The following DTNA variants were observed in gnomAD, a reference collection of about 807,000 sequenced individuals.
DTNA encodes the protein dystrophin-related protein 3.
DTNA carries 43 observed loss-of-function variants against 100.7 expected under a neutral mutation model. The ratio of observed to expected loss-of-function variants is 0.43; its 90% CI spans 0.33 to 0.55. The LOEUF (loss-of-function observed/expected upper bound fraction) is 0.55, where lower values mean the gene tolerates loss of function less well. Ranked by LOEUF, DTNA falls within the 20% of genes least tolerant of loss-of-function variation. DTNA has a pLI of 0.04. For missense variants in DTNA, 798 were observed against 953.9 expected, an observed-to-expected ratio of 0.84 and a Z score of 2.15; for synonymous variants, 349 against 347.9, an observed-to-expected ratio of 1.00 and a Z score of -0.04.
intron 3 of DTNA, among the ~76,000 whole-genome samples, chr18:34,776,691 A>G (rs962816352): frequency 2.0e-5 from 3 of 152,180 alleles, no homozygotes; most frequent in Non-Finnish European, 4.4e-5. Flanking sequence ...AGGGATATCT[A>G]AACCCAGATT....
chr18:34,861,262 G>T (rs1170433401), intron 16 of DTNA, among the ~76,000 whole-genome samples: 1 of 151,898 alleles, frequency 6.6e-6, no homozygotes, highest in African/African-American at 2.4e-5. Context: ...GAGGCGGGCG[G>T]ATCACGAGGT....
At chr18:34,846,000 ACT>A (rs1407642147) in intron 13 of DTNA, among the ~76,000 whole-genome samples, 2 of 151,920 alleles carry the variant, frequency 1.3e-5, no homozygotes, top group East Asian at 1.9e-4. Flanking sequence ...CTCTTGAACA[ACT>A]CTCTCTTTTA....
At chr18:34,617,152 A>G (rs1229390394) in intron 1 of DTNA, among the ~76,000 whole-genome samples, 1 of 152,132 alleles carries the variant, frequency 6.6e-6, no homozygotes, top group African/African-American at 2.4e-5. Flanking sequence ...GATTTCCAGT[A>G]CTATGCTGAA....
At chr18:34,523,395 A>G (rs1404689403) in intron 1 of DTNA, among the ~76,000 whole-genome samples, 1 of 152,182 alleles carries the variant, frequency 6.6e-6, no homozygotes, top group Non-Finnish European at 1.5e-5. Flanking sequence ...ATCTACTTTA[A>G]TATCACCTGT....
At chr18:34,684,794 T>A (rs2078640877) in intron 1 of DTNA, among the ~76,000 whole-genome samples, 1 of 152,190 alleles carries the variant, frequency 6.6e-6, no homozygotes, top group African/African-American at 2.4e-5. Flanking sequence ...TTTCTCCACA[T>A]CCTCTCCAGC....
chr18:34,652,120 A>G (rs2060527021), intron 1 of DTNA, among the ~76,000 whole-genome samples: 1 of 151,408 alleles, frequency 6.6e-6, no homozygotes, highest in African/African-American at 2.4e-5. Context: ...GGAAGGAGAG[A>G]AGAAAAGAAA....
At chr18:34,821,617 AT>A (rs1328605532) in intron 9 of DTNA, 1 of 410,314 alleles carries the variant, frequency 2.4e-6, no homozygotes, top group African/African-American at 2.1e-5. Flanking sequence ...AGAAGAAACA[AT>A]TTTTTCCTTG....
At chr18:34,540,050 T>C (rs1353771816) in intron 1 of DTNA, among the ~76,000 whole-genome samples, 1 of 151,950 alleles carries the variant, frequency 6.6e-6, no homozygotes, top group African/African-American at 2.4e-5. Flanking sequence ...TTTTGAATAA[T>C]TCATTTTTAT....
intron 1 of DTNA, among the ~76,000 whole-genome samples, chr18:34,746,486 G>T (rs1165440043): frequency 6.6e-6 from 1 of 151,988 alleles, no homozygotes; most frequent in Non-Finnish European, 1.5e-5. Flanking sequence ...TAATATTATT[G>T]CTAGTGAGAA....
chr18:34,634,697 TA>T (rs905401560), intron 1 of DTNA, among the ~76,000 whole-genome samples: 11 of 152,214 alleles, frequency 7.2e-5, no homozygotes, highest in Admixed American at 2.0e-4. Flanking sequence ...TTGTTTCTTT[TA>T]AAAAAAATTT....
chr18:34,777,260 TC>T lies in DTNA; in HGVS notation c.148+11220del, dbSNP rs536303379. ...CCCATACCTGGAACATTATAAGTGT[TC>T]AAAAAATACTTACTGAATTAGTAAA... On this transcript the variant is annotated intron_variant, in intron 3 of 22. Transcript: ENST00000444659. Among the ~76,000 whole-genome samples the T allele has an allele frequency of 3.3e-5, 5 of 152,306 alleles. No homozygotes were observed. The East Asian group carries it at 9.6e-4, about 29-fold the overall frequency.
chr18:34,870,250 A>T (rs117848474), intron 17 of DTNA, among the ~76,000 whole-genome samples: 2,914 of 152,222 alleles, frequency 0.019, 39 homozygotes, highest in Non-Finnish European at 0.026. Context: ...TCCTACCCTT[A>T]TTCTCTTCTC....
intron 1 of DTNA, among the ~76,000 whole-genome samples, chr18:34,736,361 A>G (rs2089588973): frequency 6.6e-6 from 1 of 152,222 alleles, no homozygotes. Flanking sequence ...ATGAACCATA[A>G]TTAATATGAA....
chr18:34,655,103 G>T (rs1055701287), intron 1 of DTNA, among the ~76,000 whole-genome samples: 1 of 152,044 alleles, frequency 6.6e-6, no homozygotes, highest in Non-Finnish European at 1.5e-5. Context: ...TCCATAATAT[G>T]CAGGCAATAT....
At chr18:34,582,534 A>AC (rs960243852) in intron 1 of DTNA, among the ~76,000 whole-genome samples, 54 of 151,960 alleles carry the variant, frequency 3.6e-4, no homozygotes, top group African/African-American at 1.3e-3. Context: ...CAACCTCCCA[A>AC]CCCCCTTGAC....
At chr18:34,760,817 A>T (rs1289807182) in intron 2 of DTNA, among the ~76,000 whole-genome samples, 1 of 152,210 alleles carries the variant, frequency 6.6e-6, no homozygotes, top group African/African-American at 2.4e-5. Flanking sequence ...AGTCACGCAC[A>T]CTACTACATT....
At chr18:34,733,012 A>G (rs537964019) in intron 1 of DTNA, among the ~76,000 whole-genome samples, 1 of 152,296 alleles carries the variant, frequency 6.6e-6, no homozygotes, top group East Asian at 1.9e-4. Context: ...GGAGGACCAC[A>G]GTGACGTTTT....
chr18:34,498,134 G>T (rs1274265251), intron 1 of DTNA, among the ~76,000 whole-genome samples: 1 of 152,034 alleles, frequency 6.6e-6, no homozygotes, highest in Non-Finnish European at 1.5e-5. Flanking sequence ...TTCAAAAATT[G>T]GCTGGGCGCA....
At chr18:34,762,099 A>T (rs2093208625) in intron 2 of DTNA, among the ~76,000 whole-genome samples, 1 of 152,226 alleles carries the variant, frequency 6.6e-6, no homozygotes, top group Non-Finnish European at 1.5e-5. Context: ...ACATATCAAC[A>T]TACTAAAAGC....
Sources: allele counts gnomAD v4.1 joint callset (sites outside exome capture counted in the v4.1 genomes callset), GRCh38; gene constraint gnomAD v4.1.1; transcripts MANE v1.5; gene names NCBI Gene and HGNC (gene_info 2026-07-23, HGNC 2026-07-21).